The following UTRN variants were observed in gnomAD, a reference collection of about 807,000 sequenced individuals.
UTRN encodes dystrophin-related protein 1.
Under a neutral mutation model 463.9 loss-of-function variants are expected in UTRN, and 283 were observed. The ratio of observed to expected loss-of-function variants is 0.61; its 90% CI spans 0.55 to 0.67. The LOEUF (loss-of-function observed/expected upper bound fraction) is 0.67. Ranked by LOEUF, UTRN falls within the 30% of genes least tolerant of loss-of-function variation. UTRN has a pLI of 0.00. For missense variants in UTRN, 3,922 were observed against 4,084.3 expected, an observed-to-expected ratio of 0.96 and a Z score of 1.08; for synonymous variants, 1,442 against 1,431.5, an observed-to-expected ratio of 1.01 and a Z score of -0.17.
Position 144,771,809 on chromosome 6 carries a change from T to G in UTRN, c.8496-98T>G, listed in dbSNP as rs1794053874. On this transcript the variant is annotated intron_variant, in intron 58 of 74. Coordinates refer to ENST00000367545, the MANE Select transcript of UTRN (RefSeq NM_007124.3). ...ATAATTTTGCATGTATTTTTAAAAA[T>G]TTGAAAAAAATCATTTCTACTTGGG... The G allele has an allele frequency of 8.2e-6, 8 of 977,988 alleles. 1 individual carries two copies. The East Asian group carries it at 2.2e-4, about 26-fold the overall frequency. 60.6% of individuals were successfully genotyped at this position (977,988 alleles called of 1,614,324 possible). A position where few individuals can be genotyped will look rare whatever the true frequency, so the allele number is the denominator to read the frequency against.
chr6:144,660,805 C>T (rs768751242), intron 51 of UTRN, among the ~76,000 whole-genome samples: 9 of 152,154 alleles, frequency 5.9e-5, no homozygotes, highest in South Asian at 2.1e-4. Context: ...TTTATCTGAG[C>T]GTGTCTGTTT....
At chr6:144,826,161 A>AAAATAAATAAATAAAT (rs372490067) in intron 66 of UTRN, among the ~76,000 whole-genome samples, 7,660 of 148,598 alleles carry the variant, frequency 0.052, 303 homozygotes, top group Admixed American at 0.12. Flanking sequence ...AATAAAAGAA[A>AAAATAAATAAATAAAT]AAATAAATAA....
At chr6:144,614,224 T>G (rs77301480) in intron 51 of UTRN, among the ~76,000 whole-genome samples, 108 of 152,156 alleles carry the variant, frequency 7.1e-4, no homozygotes, top group African/African-American at 2.5e-3. Context: ...TTGAATGAGA[T>G]TCATGGTGGT....
chr6:144,356,677 G>A (rs1050018056), intron 2 of UTRN, among the ~76,000 whole-genome samples: 1 of 152,144 alleles, frequency 6.6e-6, no homozygotes, highest in Non-Finnish European at 1.5e-5. Context: ...GTTGGGTGTG[G>A]TGGCGAATGC....
chr6:144,607,537 G>T (rs1262132765), intron 51 of UTRN, among the ~76,000 whole-genome samples: 1 of 152,086 alleles, frequency 6.6e-6, no homozygotes, highest in African/African-American at 2.4e-5. Context: ...TCTTGTTTGA[G>T]AAAATTTGCA....
In UTRN at chr6:144,782,029, A is replaced by G. The variant is rs1406060805; in HGVS notation, c.8740A>G (p.Thr2914Ala). The part of the protein sequence containing the change: ...VPDVINCLTT[T>A]YDGLEQMHKD... The stretch of plus-strand genomic sequence containing the variant: ...AGATGTCATCAACTGTCTGACAACA[A>G]CTTATGATGGACTTGAGCAAATGCA... Residue 2914 changes from threonine (T) to alanine (A), a missense_variant, in exon 61 of 75, where the codon ACT becomes GCT. Thr to Ala is a moderately conservative substitution (Grantham distance 58). Transcript: ENST00000367545. 3.7e-6 allele frequency: 6 copies of G among 1,614,070 alleles called. No individual in the cohort carries two copies. The highest frequency in any genetic ancestry group is 1.1e-5 in the South Asian group (1 of 91,078).
At chr6:144,670,259 T>A (rs114910012) in intron 51 of UTRN, among the ~76,000 whole-genome samples, 2,174 of 152,254 alleles carry the variant, frequency 0.014, 50 homozygotes, top group African/African-American at 0.05. Context: ...GCGTAAAACT[T>A]CCCTTTTTAC....
At chr6:144,659,480 C>CT (rs1166736721) in intron 51 of UTRN, among the ~76,000 whole-genome samples, 2 of 152,180 alleles carry the variant, frequency 1.3e-5, no homozygotes, top group Admixed American at 1.3e-4. Flanking sequence ...GACAGAACAC[C>CT]TTTTAAAACA....
intron 52 of UTRN, among the ~76,000 whole-genome samples, chr6:144,694,001 C>T (rs1783704981): frequency 6.6e-6 from 1 of 152,034 alleles, no homozygotes; most frequent in Non-Finnish European, 1.5e-5. Flanking sequence ...AGCTTTTGCC[C>T]ATTCAGTATG....
intron 23 of UTRN, among the ~76,000 whole-genome samples, chr6:144,464,335 T>C (rs1789718657): frequency 6.6e-6 from 1 of 151,990 alleles, no homozygotes; most frequent in Non-Finnish European, 1.5e-5. Flanking sequence ...CAGCAGAAGA[T>C]ACAGATGGAG....
chr6:144,528,305 G>A (rs899712724), intron 41 of UTRN, among the ~76,000 whole-genome samples: 13 of 152,102 alleles, frequency 8.5e-5, no homozygotes, highest in Admixed American at 7.2e-4. Flanking sequence ...CAAGTTGCTG[G>A]GATTACAGGC....
At chr6:144,355,326 G>A (rs1214597747) in intron 2 of UTRN, among the ~76,000 whole-genome samples, 1 of 152,034 alleles carries the variant, frequency 6.6e-6, no homozygotes, top group East Asian at 1.9e-4. Context: ...AGCCTCCAGA[G>A]TAGCAGGGAC....
At chr6:144,493,528 G>A (rs1004248033) in intron 33 of UTRN, 72 bp downstream of exon 33, 34 of 1,435,376 alleles carry the variant, frequency 2.4e-5, no homozygotes, top group Admixed American at 2.3e-4. Flanking sequence ...TCTCTCTCTC[G>A]TTCTCTCTCA....
chr6:144,544,184 G>A (rs1451604156), intron 46 of UTRN, among the ~76,000 whole-genome samples: 1 of 152,116 alleles, frequency 6.6e-6, no homozygotes, highest in African/African-American at 2.4e-5. Context: ...CTTGGGATAG[G>A]CCTGAGACCT....
At chr6:144,464,243 C>A (rs1421230565) in intron 23 of UTRN, among the ~76,000 whole-genome samples, 1 of 152,072 alleles carries the variant, frequency 6.6e-6, no homozygotes, top group Admixed American at 6.5e-5. Flanking sequence ...GGAAGGGATC[C>A]AGCCAGATTC....
intron 69 of UTRN, among the ~76,000 whole-genome samples, chr6:144,833,619 T>C (rs1328280041): frequency 6.6e-6 from 1 of 152,224 alleles, no homozygotes; most frequent in Non-Finnish European, 1.5e-5. Flanking sequence ...TATATCTATC[T>C]ACTATATCTT....
rs12525894 is a variant in UTRN, at chr6:144,828,836, A to G, written c.9646A>G (p.Ser3216Gly). The G allele has an allele frequency of 3.6e-5, 58 of 1,613,350 alleles. 1 individual carries two copies. The Admixed American group carries it at 9.7e-4, about 27-fold the overall frequency. The change falls in exon 69 of 75, where the codon AGC becomes GGC. Residue 3216 changes from serine to glycine, a missense_variant. By Grantham distance (56) the Ser-to-Gly change is moderately conservative (BLOSUM62 0). Coordinates refer to ENST00000367545, the MANE Select transcript of UTRN (RefSeq NM_007124.3). Reference sequence around the variant, plus strand: ...TAATGGGTCTTTTCTCACTGATAGCAGCTCCACCACAGGAAGTGTGTAAGT... The same window carrying G: ...TAATGGGTCTTTTCTCACTGATAGCGGCTCCACCACAGGAAGTGTGTAAGT... ...RTNGSFLTDS[S>G]STTGSVEDEH... is the part of the protein sequence containing the mutation.
At chr6:144,362,524 A>G (rs1023151159) in intron 2 of UTRN, among the ~76,000 whole-genome samples, 3 of 152,212 alleles carry the variant, frequency 2.0e-5, no homozygotes, top group Non-Finnish European at 4.4e-5. Flanking sequence ...AGTGCTGGCC[A>G]GCATAGGTTT....
chr6:144,687,464 G>A (rs1782886662), intron 52 of UTRN, among the ~76,000 whole-genome samples: 2 of 152,022 alleles, frequency 1.3e-5, no homozygotes, highest in African/African-American at 4.8e-5. Flanking sequence ...GACAAAGAAG[G>A]TTATTATATA....
Sources: allele counts gnomAD v4.1 joint callset (sites outside exome capture counted in the v4.1 genomes callset), GRCh38; gene constraint gnomAD v4.1.1; transcripts MANE v1.5; gene names NCBI Gene and HGNC (gene_info 2026-07-23, HGNC 2026-07-21).